NSMCE2: variants seen among roughly 807,000 people sequenced by gnomAD.
NSMCE2 encodes NSE2 SUMO ligase component of SMC5/6 complex.
A neutral mutation model predicts 23.8 loss-of-function variants in NSMCE2; 24 were observed. That is an observed-to-expected ratio of 1.01 (90% CI 0.73 to 1.42). The LOEUF (loss-of-function observed/expected upper bound fraction) is 1.42, where lower values mean the gene tolerates loss of function less well. Ranked by LOEUF, NSMCE2 falls within the 40% of genes most tolerant of loss-of-function variation. The pLI, the probability that NSMCE2 is intolerant of heterozygous loss-of-function variation, is 0.00. For synonymous variants in NSMCE2, 92 were observed against 94.1 expected (o/e 0.98, Z 0.13); for missense variants, 284 against 296.5 (o/e 0.96, Z 0.31).
intron 5 of NSMCE2, among the ~76,000 whole-genome samples, chr8:125,305,629 G>A (rs1828725526): frequency 6.6e-6 from 1 of 152,174 alleles, no homozygotes; most frequent in Admixed American, 6.5e-5. Context: ...GGAGTATATG[G>A]TTAAAGAGAA....
At chr8:125,148,369 TATC>T (rs1563680008) in intron 3 of NSMCE2, among the ~76,000 whole-genome samples, 1 of 152,194 alleles carries the variant, frequency 6.6e-6, no homozygotes, top group Non-Finnish European at 1.5e-5. Context: ...AATGAGAACT[TATC>T]ATCTCATTTA....
At chr8:125,179,921 A>G (rs1822715597) in intron 4 of NSMCE2, among the ~76,000 whole-genome samples, 1 of 152,206 alleles carries the variant, frequency 6.6e-6, no homozygotes, top group Non-Finnish European at 1.5e-5. Flanking sequence ...ATCATCCCAG[A>G]TTACATAATA....
intron 4 of NSMCE2, among the ~76,000 whole-genome samples, chr8:125,167,095 C>T (rs761086829): frequency 1.3e-5 from 2 of 152,210 alleles, no homozygotes; most frequent in Non-Finnish European, 2.9e-5. Context: ...AAGACTGGAG[C>T]AAGGCAGACT....
At chr8:125,226,484 A>G (rs1825100297) in intron 5 of NSMCE2, among the ~76,000 whole-genome samples, 1 of 152,056 alleles carries the variant, frequency 6.6e-6, no homozygotes, top group African/African-American at 2.4e-5. Context: ...CTTGCACTGT[A>G]CCCCTCATAT....
At chr8:125,174,922 A>G (rs997008051) in intron 4 of NSMCE2, among the ~76,000 whole-genome samples, 1 of 152,208 alleles carries the variant, frequency 6.6e-6, no homozygotes, top group Admixed American at 6.5e-5. Flanking sequence ...AGGTTGTGCA[A>G]CTGGCAACAG....
intron 1 of NSMCE2, among the ~76,000 whole-genome samples, chr8:125,093,450 A>T (rs565180692): frequency 7.2e-5 from 11 of 152,200 alleles, no homozygotes; most frequent in Non-Finnish European, 1.6e-4. Flanking sequence ...GCACTTTGGG[A>T]GGCCAAGGCG....
At chr8:125,108,455 T>A (rs1818576356) in intron 3 of NSMCE2, among the ~76,000 whole-genome samples, 1 of 152,236 alleles carries the variant, frequency 6.6e-6, no homozygotes, top group South Asian at 2.1e-4. Context: ...GCACGCTTGC[T>A]ATTGGGTCCA....
At chr8:125,133,883 T>C (rs1336242259) in intron 3 of NSMCE2, among the ~76,000 whole-genome samples, 1 of 152,138 alleles carries the variant, frequency 6.6e-6, no homozygotes, top group Non-Finnish European at 1.5e-5. Flanking sequence ...ATTAGAACCG[T>C]GGATCTCAAA....
intron 5 of NSMCE2, among the ~76,000 whole-genome samples, chr8:125,244,143 A>G (rs1321262682): frequency 6.6e-6 from 1 of 152,198 alleles, no homozygotes; most frequent in African/African-American, 2.4e-5. Flanking sequence ...TAACAGACTA[A>G]TAGCAGGGAT....
chr8:125,166,504 C>T lies in NSMCE2; in HGVS notation c.264+15227C>T, dbSNP rs575988227. ...CTGGCCTCAAACTCCTGACTTCAAG[C>T]GATCTCCCCGCTTTGGCCTCCCAAA... On this transcript the variant is annotated intron_variant, in intron 4 of 7. Coordinates refer to ENST00000287437, the MANE Select transcript of NSMCE2 (RefSeq NM_173685.4). Among the ~76,000 whole-genome samples the T allele has an allele frequency of 1.7e-3, 264 of 152,260 alleles. 3 individuals carry two copies. The highest frequency in any genetic ancestry group is 0.016 in the South Asian group (78 of 4,822).
chr8:125,274,896 C>T (rs1827381889), intron 5 of NSMCE2, among the ~76,000 whole-genome samples: 1 of 147,702 alleles, frequency 6.8e-6, no homozygotes, highest in East Asian at 2.0e-4. Context: ...CGCCATTGCA[C>T]TCCAGCCTGG....
At position 125,330,207 on chromosome 8, in the gene NSMCE2, C is replaced by T. The variant is rs146420761; in HGVS notation, c.419-27012C>T. ...TTTTTTTTTTTTTTTGAGACAGTCT[C>T]TCTCTGTCACCCAGGCTGGAGTGCG... On this transcript the variant is annotated intron_variant, in intron 5 of 7. Coordinates refer to ENST00000287437, the MANE Select transcript of NSMCE2 (RefSeq NM_173685.4). 2.4e-3 allele frequency among the ~76,000 whole-genome samples: 312 copies of T among 131,700 alleles called. 1 individual carries two copies. The highest frequency in any genetic ancestry group is 7.3e-3 in the African/African-American group (264 of 36,282). The allele number at this position is 131,700 out of a possible 152,430, so 86.4% of individuals were successfully genotyped here. A position where few individuals can be genotyped will look rare whatever the true frequency, so the allele number is the denominator to read the frequency against.
intron 3 of NSMCE2, among the ~76,000 whole-genome samples, chr8:125,133,239 A>C (rs1315882749): frequency 6.6e-6 from 1 of 152,226 alleles, no homozygotes; most frequent in Non-Finnish European, 1.5e-5. Flanking sequence ...AGTTGCAAAA[A>C]ATAGATGTGA....
intron 5 of NSMCE2, among the ~76,000 whole-genome samples, chr8:125,243,686 G>A (rs1233032820): frequency 1.3e-5 from 2 of 152,210 alleles, no homozygotes; most frequent in South Asian, 2.1e-4. Flanking sequence ...AGAACTATAA[G>A]CATCCAGATG....
chr8:125,238,374 G>A (rs1399095228), intron 5 of NSMCE2, among the ~76,000 whole-genome samples: 1 of 152,152 alleles, frequency 6.6e-6, no homozygotes, highest in Non-Finnish European at 1.5e-5. Flanking sequence ...TCTGTGACAT[G>A]TTCAGCTTAT....
At chr8:125,222,598 G>A (rs573902894) in intron 5 of NSMCE2, among the ~76,000 whole-genome samples, 39 of 152,006 alleles carry the variant, frequency 2.6e-4, no homozygotes, top group Non-Finnish European at 5.4e-4. Context: ...TAGATTCCAC[G>A]TGTAAGTGAG....
intron 5 of NSMCE2, among the ~76,000 whole-genome samples, chr8:125,212,158 T>C (rs1438167355): frequency 6.6e-6 from 1 of 152,248 alleles, no homozygotes; most frequent in Non-Finnish European, 1.5e-5. Flanking sequence ...TATCTGTTGC[T>C]ACACGTGTGA....
chr8:125,178,517 G>T (rs918948324), intron 4 of NSMCE2, among the ~76,000 whole-genome samples: 3 of 152,092 alleles, frequency 2.0e-5, no homozygotes, highest in African/African-American at 7.2e-5. Flanking sequence ...ATATGTTGAA[G>T]TCCTAACCCC....
chr8:125,330,363 A>G (rs1179968928), intron 5 of NSMCE2, among the ~76,000 whole-genome samples: 1 of 151,780 alleles, frequency 6.6e-6, no homozygotes, highest in Admixed American at 6.6e-5. Flanking sequence ...TTTAGTAGAG[A>G]CAGGGTTTCA....
Sources: allele counts gnomAD v4.1 joint callset (sites outside exome capture counted in the v4.1 genomes callset), GRCh38; gene constraint gnomAD v4.1.1; transcripts MANE v1.5; gene names NCBI Gene and HGNC (gene_info 2026-07-23, HGNC 2026-07-21).